The following PLCD3 variants were observed in gnomAD, a reference collection of about 807,000 sequenced individuals.
The protein encoded by PLCD3 is 1-phosphatidylinositol 4,5-bisphosphate phosphodiesterase delta-3.
A neutral mutation model predicts 82.8 loss-of-function variants in PLCD3; 62 were observed. The observed-to-expected ratio is 0.75, with a 90% CI of 0.61 to 0.93. The LOEUF is 0.93. Ranked by LOEUF, PLCD3 falls within the 40% of genes least tolerant of loss-of-function variation. PLCD3 has a pLI of 0.00. For synonymous variants in PLCD3, 478 were observed against 471.8 expected, an observed-to-expected ratio of 1.01 and a Z score of -0.17; for missense variants, 1,023 against 1,103.4, an observed-to-expected ratio of 0.93 and a Z score of 1.03.
chr17:45,119,614 T>C (rs891692072), intron 4 of PLCD3, among the ~76,000 whole-genome samples: 1 of 152,124 alleles, frequency 6.6e-6, no homozygotes, highest in Non-Finnish European at 1.5e-5. Flanking sequence ...AATCAAGATG[T>C]GGAAGGAAAA....
At position 45,112,509 on chromosome 17, in the gene PLCD3, TGGGCTGGG is replaced by T. The variant is rs1330957873; in HGVS notation, c.*99_*106del. ...GAATGGGCTGAGTGGGCCAAGTGGG[TGGGCTGGG>T]GGGCTGGTACTCCCACCACCTGACT... is the stretch of plus-strand genomic sequence containing the variant. On this transcript the variant is annotated 3_prime_UTR_variant, in exon 15 of 15. Transcript: ENST00000619929. 8.0e-7 allele frequency: 1 copy of T among 1,250,432 alleles called. No individual in the cohort carries two copies. Among genetic ancestry groups the T allele is most frequent in the African/African-American group, 1.5e-5 (1 of 67,134 alleles). The allele number at this position is 1,250,432 out of a possible 1,614,324, so 77.5% of individuals were successfully genotyped here.
In PLCD3 at chr17:45,116,831, C is replaced by T; in HGVS notation, c.1261-47G>A. 8 of 1,507,224 alleles carry T rather than the reference C, an allele frequency of 5.3e-6. No individual in the cohort carries two copies. In the South Asian group the frequency reaches 9.1e-5, roughly 17 times the overall value. The allele number at this position is 1,507,224 out of a possible 1,614,324, so 93.4% of individuals were successfully genotyped here. ...CTCAGAGCCACTCCCCTCCCTCTGC[C>T]AGTATCTCCCAACATCTGGCTCCCA... is the stretch of plus-strand genomic sequence containing the variant. On this transcript the variant is annotated intron_variant, in intron 7 of 14. Coordinates refer to ENST00000619929, the MANE Select transcript of PLCD3 (RefSeq NM_133373.5).
chr17:45,113,702 G>A, intron 11 of PLCD3, 97 bp from the exon 12 acceptor site: 7 of 1,418,178 alleles, frequency 4.9e-6, no homozygotes, highest in Non-Finnish European at 6.6e-6. Context: ...AGGGCCTGGG[G>A]TCCCACTGTC....
intron 1 of PLCD3, chr17:45,129,219 C>T (rs2054402617): frequency 1.3e-5 from 2 of 152,216 alleles, no homozygotes; most frequent in Non-Finnish European, 2.9e-5. Context: ...TTTGGGAATC[C>T]AAGGCAGGAG....
rs1242295070 is a variant in PLCD3, at chr17:45,119,055, CAGG to C, written c.685-15_685-13del. On this transcript the variant is annotated splice_polypyrimidine_tract_variant and intron_variant, in intron 4 of 14. Transcript: ENST00000619929. The stretch of plus-strand genomic sequence containing the variant: ...GAGTGGTCACACTCCTGGGGAGCAG[CAGG>C]AGAAGCTCAGAGGAGGCAGACACTC... 2 of 1,589,568 alleles carry C rather than the reference CAGG, an allele frequency of 1.3e-6. No individual in the cohort carries two copies. Among genetic ancestry groups the C allele is most frequent in the Admixed American group, 1.7e-5 (1 of 57,320 alleles).
rs749837975 is a variant in PLCD3, at chr17:45,121,396, G to A, written c.164-24C>T. On this transcript the variant is annotated intron_variant, in intron 1 of 14. Coordinates refer to ENST00000619929, the MANE Select transcript of PLCD3 (RefSeq NM_133373.5). ...GCCTGGCGGGGCGGGAGGACCCGGG[G>A]CGTCAGGCCGTACCTGCCCAGAGGC... 14 of 1,484,058 alleles carry A rather than the reference G, an allele frequency of 9.4e-6. No individual in the cohort carries two copies. The Admixed American group carries it at 3.1e-4, about 33-fold the overall frequency. 91.9% of individuals were successfully genotyped at this position (1,484,058 alleles called of 1,614,324 possible). A position where few individuals can be genotyped will look rare whatever the true frequency, so the allele number is the denominator to read the frequency against.
In PLCD3 at chr17:45,112,946, C is replaced by A. The variant is rs1407147160; in HGVS notation, c.2198G>T (p.Arg733Leu). 1.2e-6 allele frequency: 2 copies of A among 1,612,932 alleles called. No homozygotes were observed. The highest frequency in any genetic ancestry group is 2.2e-5 in the East Asian group (1 of 44,858). ...GGCGTCATAATCTTCCACCACAAAC[C>A]GGACCAGTGCCAGCTCCGGAGCCCG... ...QLRAPELALV[R>L]FVVEDYDATS... The change falls in exon 14 of 15, where the codon CGG becomes CTG. Residue 733 changes from arginine (R) to leucine (L), a missense_variant. By Grantham distance (102) the Arg-to-Leu change is moderately radical. Transcript: ENST00000619929.
chr17:45,113,884 C>A (rs1465801815), intron 11 of PLCD3, among the ~76,000 whole-genome samples: 1 of 152,114 alleles, frequency 6.6e-6, no homozygotes, highest in African/African-American at 2.4e-5. Flanking sequence ...TCTGAGGAAG[C>A]CTGGGGTTTC....
rs2054251128 is a variant in PLCD3, at chr17:45,112,501, C to T, written c.*115G>A. On this transcript the variant is annotated 3_prime_UTR_variant, in exon 15 of 15. Transcript: ENST00000619929. The stretch of plus-strand genomic sequence containing the variant: ...CGCCTGGTGAATGGGCTGAGTGGGC[C>T]AAGTGGGTGGGCTGGGGGGCTGGTA... 5.1e-6 allele frequency: 6 copies of T among 1,181,516 alleles called. No homozygotes were observed. Among genetic ancestry groups the T allele is most frequent in the South Asian group, 4.0e-5 (3 of 74,272 alleles). 73.2% of individuals were successfully genotyped at this position (1,181,516 alleles called of 1,614,324 possible).
intron 8 of PLCD3, 75 bp from the exon 9 acceptor site, chr17:45,115,565 C>T: frequency 7.3e-7 from 1 of 1,378,078 alleles, no homozygotes. Context: ...AGTTATTCAA[C>T]CACCGCCTTG....
At position 45,121,020 on chromosome 17, in the gene PLCD3, G is replaced by A. The variant is rs1394109717; in HGVS notation, c.436C>T (p.Arg146Cys). The A allele has an allele frequency of 2.6e-6, 4 of 1,539,280 alleles. No individual in the cohort carries two copies. Among genetic ancestry groups the A allele is most frequent in the Non-Finnish European group, 2.6e-6 (3 of 1,150,188 alleles). ...ARCLTIAFKG[R>C]RKNLDLAAPT... ...GCCGCCAGGTCCAGGTTCTTGCGGC[G>A]GCCCTTGAAGGCGATGGTGAGGCAG... Residue 146 changes from arginine (R) to cysteine (C), a missense_variant, in exon 3 of 15, where the codon CGC (arginine) becomes TGC (cysteine). Physicochemically the swap from Arg to Cys is radical, Grantham distance 180 (BLOSUM62 -3). Coordinates refer to ENST00000619929, the MANE Select transcript of PLCD3 (RefSeq NM_133373.5).
intron 7 of PLCD3, 57 bp from the exon 8 acceptor site, chr17:45,116,841 C>G: frequency 1.3e-6 from 2 of 1,497,176 alleles, no homozygotes; most frequent in Non-Finnish European, 1.8e-6. Flanking sequence ...CAGTATCTCC[C>G]AACATCTGGC....
At chr17:45,127,246 A>G (rs534038281) in intron 1 of PLCD3, among the ~76,000 whole-genome samples, 38 of 152,324 alleles carry the variant, frequency 2.5e-4, no homozygotes, top group Admixed American at 2.3e-3. Flanking sequence ...CCTTAGTCCC[A>G]TGGCCTCCAG....
chr17:45,124,336 G>A (rs1395238062), intron 1 of PLCD3, among the ~76,000 whole-genome samples: 1 of 152,242 alleles, frequency 6.6e-6, no homozygotes, highest in Admixed American at 6.5e-5. Context: ...CCTACTTCTG[G>A]CCCCTTACCC....
chr17:45,121,026 T>C lies in PLCD3; in HGVS notation c.430A>G (p.Lys144Glu). 1 of 1,540,560 alleles carries C rather than the reference T, an allele frequency of 6.5e-7. No homozygotes were observed. Among genetic ancestry groups the C allele is most frequent in the Non-Finnish European group, 8.7e-7 (1 of 1,150,628 alleles). The change falls in exon 3 of 15, where the codon AAG becomes GAG. Residue 144 changes from lysine (K) to glutamate (E), a missense_variant. Physicochemically the swap from Lys to Glu is moderately conservative, Grantham distance 56 (BLOSUM62 1). This residue lies in a region of PLCD3 where 448 missense variants were observed against 406.3 expected (regional missense o/e 1.10). Coordinates refer to ENST00000619929, the MANE Select transcript of PLCD3 (RefSeq NM_133373.5). ...APARCLTIAFKGRRKNLDLAA... is the reference protein window; with the variant it reads ...APARCLTIAFEGRRKNLDLAA... ...AGGTCCAGGTTCTTGCGGCGGCCCTTGAAGGCGATGGTGAGGCAGCGCGCT... is the reference window on the plus strand; with the variant it reads ...AGGTCCAGGTTCTTGCGGCGGCCCTCGAAGGCGATGGTGAGGCAGCGCGCT...
chr17:45,120,020 G>A (rs182309450), intron 4 of PLCD3, among the ~76,000 whole-genome samples: 11 of 152,378 alleles, frequency 7.2e-5, no homozygotes, highest in East Asian at 1.9e-4. Context: ...GTGCCCCCAC[G>A]TGCAAAAGGT....
intron 8 of PLCD3, 176 bp from the exon 9 acceptor site, chr17:45,115,666 C>A: frequency 1.6e-6 from 1 of 613,818 alleles, no homozygotes. Context: ...GCCCGGGAGG[C>A]CATCAGGAAG....
At chr17:45,127,425 C>T (rs1369460984) in intron 1 of PLCD3, among the ~76,000 whole-genome samples, 4 of 152,172 alleles carry the variant, frequency 2.6e-5, no homozygotes, top group African/African-American at 7.2e-5. Context: ...GCAGCCCGGG[C>T]GGTTTGGGGC....
intron 8 of PLCD3, 35 bp from the exon 9 acceptor site, chr17:45,115,525 C>G (rs1171638854): frequency 4.5e-6 from 7 of 1,552,724 alleles, no homozygotes; most frequent in Non-Finnish European, 6.1e-6. Context: ...AAGGGTTAGG[C>G]CTTCTCGCCC....
Sources: allele counts gnomAD v4.1 joint callset (sites outside exome capture counted in the v4.1 genomes callset), GRCh38; gene constraint gnomAD v4.1.1; regional missense constraint gnomAD v4.1.1; transcripts MANE v1.5; gene names NCBI Gene and HGNC (gene_info 2026-07-23, HGNC 2026-07-21).